ADAM22: variants seen among roughly 807,000 people sequenced by gnomAD.
ADAM22 encodes the protein ADAM metallopeptidase domain 22.
ADAM22 carries 65 observed loss-of-function variants against 144.6 expected under a neutral mutation model. The observed-to-expected ratio is 0.45, with a 90% CI of 0.37 to 0.55. ADAM22 has a LOEUF of 0.55. ADAM22 is among the 20% of genes least tolerant of loss of function. The probability of loss-of-function intolerance (pLI) is 0.00; values close to 1 mark genes in which losing one functional copy is unlikely to be tolerated. For synonymous variants in ADAM22, 391 were observed against 412.6 expected (o/e 0.95, Z 0.63); for missense variants, 974 against 1,184.9 (o/e 0.82, Z 2.61).
chr7:88,064,496 A>C (rs1319653829), intron 3 of ADAM22, among the ~76,000 whole-genome samples: 1 of 152,162 alleles, frequency 6.6e-6, no homozygotes, highest in Non-Finnish European at 1.5e-5. Context: ...AGACTGAGTA[A>C]TTTATAAATC....
At position 88,202,416 on chromosome 7, in the gene ADAM22, T is replaced by C. The variant is rs888733449; in HGVS notation, c.*5925T>C. 14 of 152,178 alleles carry C rather than the reference T, an allele frequency of 9.2e-5. No homozygotes were observed. The highest frequency in any genetic ancestry group is 3.4e-4 in the African/African-American group (14 of 41,440). The allele number at this position is 152,178 out of a possible 1,614,324, so 9.4% of individuals were successfully genotyped here. A position where few individuals can be genotyped will look rare whatever the true frequency, so the allele number is the denominator to read the frequency against. On this transcript the variant is annotated 3_prime_UTR_variant, in exon 32 of 32. Coordinates refer to ENST00000413139, the MANE Select transcript of ADAM22 (RefSeq NM_001324418.2). ...TTAGCCAGCAGTAGGTCGGCACTAG[T>C]GTTTTCCACGGTTATCACCTTTGAC...
intron 4 of ADAM22, among the ~76,000 whole-genome samples, chr7:88,091,962 T>C (rs1465528530): frequency 6.6e-6 from 1 of 150,608 alleles, no homozygotes; most frequent in East Asian, 2.0e-4. Flanking sequence ...CACCCCCCGC[T>C]TTTTTTAAAA....
intron 2 of ADAM22, among the ~76,000 whole-genome samples, chr7:87,978,091 C>T (rs1852334032): frequency 6.6e-6 from 1 of 152,070 alleles, no homozygotes; most frequent in South Asian, 2.1e-4. Flanking sequence ...AATGCTTAAC[C>T]ACTTGAGGTA....
rs1318322841 is a variant in ADAM22 at position 88,131,265 on chromosome 7, C to T, written c.826-4C>T. On this transcript the variant is annotated splice_region_variant and splice_polypyrimidine_tract_variant and intron_variant, in intron 10 of 31. Coordinates refer to ENST00000413139, the MANE Select transcript of ADAM22 (RefSeq NM_001324418.2). ...CTGATGTGTTCATTTTATTAATATA[C>T]TAGATATATAAAGACCAACTTAAGA... 6.2e-7 allele frequency: 1 copy of T among 1,610,672 alleles called. No individual in the cohort carries two copies. The highest frequency in any genetic ancestry group is 2.2e-5 in the East Asian group (1 of 44,790).
intron 3 of ADAM22, among the ~76,000 whole-genome samples, chr7:87,994,165 C>CTT (rs1163356524): frequency 5.6e-5 from 8 of 143,396 alleles, no homozygotes; most frequent in African/African-American, 1.0e-4. Flanking sequence ...ACTGTCATTC[C>CTT]TTTTTTTTTT....
intron 2 of ADAM22, among the ~76,000 whole-genome samples, chr7:87,955,772 G>T (rs111504211): frequency 0.024 from 3,728 of 152,272 alleles, 72 homozygotes; most frequent in Non-Finnish European, 0.037. Context: ...AGCTGTGGTG[G>T]GGTCCACCCA....
rs1831743573 is a variant in ADAM22, at chr7:88,131,450, TAA to T, written c.992+16_992+17del. ...CACCTTTTTTCGTACGTAACTTCTGTAATGATGTATTACTTTTTTTGATTCCA... is the reference window on the plus strand; with the variant it reads ...CACCTTTTTTCGTACGTAACTTCTGTTGATGTATTACTTTTTTTGATTCCA... On this transcript the variant is annotated intron_variant, in intron 11 of 31. Coordinates refer to ENST00000413139, the MANE Select transcript of ADAM22 (RefSeq NM_001324418.2). 6.2e-7 allele frequency: 1 copy of T among 1,611,808 alleles called. No homozygotes were observed. The highest frequency in any genetic ancestry group is 1.1e-5 in the South Asian group (1 of 91,036).
At chr7:87,994,404 GCC>G (rs1790625611) in intron 3 of ADAM22, among the ~76,000 whole-genome samples, 1 of 151,728 alleles carries the variant, frequency 6.6e-6, no homozygotes, top group South Asian at 2.1e-4. Context: ...CTCGTGATCC[GCC>G]CGCCTCGGCC....
intron 3 of ADAM22, among the ~76,000 whole-genome samples, chr7:88,040,392 A>G (rs1802822217): frequency 6.6e-6 from 1 of 151,934 alleles, no homozygotes; most frequent in Non-Finnish European, 1.5e-5. Context: ...TCAGCCTCTC[A>G]AAGTGCTGGG....
At chr7:87,936,538 A>G (rs888443615) in intron 2 of ADAM22, among the ~76,000 whole-genome samples, 1 of 151,900 alleles carries the variant, frequency 6.6e-6, no homozygotes, top group Non-Finnish European at 1.5e-5. Flanking sequence ...AAATTAATGA[A>G]CCCCCAGCTC....
chr7:88,171,635 G>A (rs1844344929), intron 26 of ADAM22, 74 bp downstream of exon 26: 2 of 1,305,024 alleles, frequency 1.5e-6, no homozygotes, highest in Admixed American at 2.5e-5. Context: ...ATTCATACAT[G>A]CAATTATAAT....
intron 3 of ADAM22, among the ~76,000 whole-genome samples, chr7:88,051,627 C>A (rs1806434724): frequency 6.6e-6 from 1 of 151,930 alleles, no homozygotes; most frequent in Non-Finnish European, 1.5e-5. Flanking sequence ...GTGCAGCACA[C>A]CAACATGGCA....
intron 13 of ADAM22, 71 bp downstream of exon 13, chr7:88,134,490 A>T: frequency 8.3e-7 from 1 of 1,202,936 alleles, no homozygotes; most frequent in Non-Finnish European, 1.2e-6. Flanking sequence ...GGAGAGTAAA[A>T]TTTTTTGATT....
At chr7:88,005,858 A>G (rs1020893746) in intron 3 of ADAM22, among the ~76,000 whole-genome samples, 3 of 152,138 alleles carry the variant, frequency 2.0e-5, no homozygotes, top group Non-Finnish European at 4.4e-5. Context: ...AAAAAGAAGT[A>G]ATAACATTTT....
At chr7:88,187,235 G>A (rs965781074) in intron 30 of ADAM22, among the ~76,000 whole-genome samples, 24 of 152,186 alleles carry the variant, frequency 1.6e-4, no homozygotes, top group Non-Finnish European at 2.8e-4. Context: ...GACCACATGG[G>A]AGTATGTGGA....
chr7:88,098,536 G>T (rs1405179230), intron 4 of ADAM22, among the ~76,000 whole-genome samples: 1 of 152,076 alleles, frequency 6.6e-6, no homozygotes, highest in Non-Finnish European at 1.5e-5. Context: ...AGATTAGGGT[G>T]CGCCCTAATC....
intron 17 of ADAM22, 98 bp downstream of exon 17, chr7:88,145,605 T>C (rs1836156856): frequency 1.1e-6 from 1 of 934,936 alleles, no homozygotes; most frequent in African/African-American, 1.6e-5. Flanking sequence ...AAATAGTATC[T>C]AACATATATT....
intron 2 of ADAM22, among the ~76,000 whole-genome samples, chr7:87,945,228 G>A (rs2131313976): frequency 6.6e-6 from 1 of 152,302 alleles, no homozygotes; most frequent in African/African-American, 2.4e-5. Flanking sequence ...CATGTGGTAT[G>A]TGTTAAATAA....
chr7:88,089,967 T>C (rs1819435381), intron 4 of ADAM22: 1 of 152,154 alleles, frequency 6.6e-6, no homozygotes, highest in African/African-American at 2.4e-5. Flanking sequence ...TTCTTTTTTC[T>C]AAAAAGAACA....
Sources: gnomAD v4.1 joint callset for allele counts (sites outside exome capture counted in the v4.1 genomes callset) on GRCh38, gnomAD v4.1.1 for gene constraint, MANE v1.5 for transcripts, NCBI Gene and HGNC (gene_info 2026-07-23, HGNC 2026-07-21) for gene names.